The following NR5A2 variants were observed in gnomAD, a reference collection of about 807,000 sequenced individuals.
NR5A2 encodes CYP7A promoter-binding factor.
In NR5A2, 26 loss-of-function variants were observed where a neutral mutation model predicts 62.7. The observed-to-expected ratio is 0.41, with a 90% confidence interval of 0.30 to 0.58. The LOEUF (loss-of-function observed/expected upper bound fraction) is 0.58, where lower values mean the gene tolerates loss of function less well. Among genes scored for constraint, NR5A2 ranks in the 20% least tolerant of loss-of-function variants. The pLI is 0.22. For synonymous variants in NR5A2, 246 were observed against 241.7 expected (o/e 1.02, Z -0.16); for missense variants, 541 against 669.1 (o/e 0.81, Z 2.11).
intron 5 of NR5A2, chr1:200,057,564 C>T (rs1662973309): frequency 2.9e-6 from 1 of 346,698 alleles, no homozygotes; most frequent in South Asian, 2.2e-5. Context: ...TGGCAACCTC[C>T]ACCTCCTGCA....
chr1:200,149,945 G>A (rs1652982284), intron 7 of NR5A2, among the ~76,000 whole-genome samples: 1 of 152,178 alleles, frequency 6.6e-6, no homozygotes, highest in Non-Finnish European at 1.5e-5. Context: ...CCTCCATGCA[G>A]TAATGATAAT....
At chr1:200,130,837 C>G (rs1162558572) in intron 7 of NR5A2, among the ~76,000 whole-genome samples, 1 of 152,220 alleles carries the variant, frequency 6.6e-6, no homozygotes, top group East Asian at 1.9e-4. Context: ...GAACATTTAC[C>G]TCACATCTTT....
chr1:200,104,146 G>C (rs750104893), intron 5 of NR5A2, among the ~76,000 whole-genome samples: 1 of 152,176 alleles, frequency 6.6e-6, no homozygotes, highest in African/African-American at 2.4e-5. Flanking sequence ...TTATGGAACA[G>C]CAGCAGCACA....
At chr1:200,103,998 G>A (rs867550432) in intron 5 of NR5A2, among the ~76,000 whole-genome samples, 1 of 152,174 alleles carries the variant, frequency 6.6e-6, no homozygotes. Context: ...ACTGGGGTTT[G>A]GTGGGAATAG....
rs151039307 is a variant in NR5A2 at position 200,048,182 on chromosome 1, C to T, written c.474C>T (p.Ala158=). Residue 158 remains alanine (A), a synonymous_variant, in exon 5 of 8, where the codon GCC becomes GCT. Coordinates refer to ENST00000367362, the MANE Select transcript of NR5A2 (RefSeq NM_205860.3). This position sits in a 1 kb window ranked among gnomAD's most constrained non-coding sequence, Gnocchi z 4.8. Reference sequence around the variant, plus strand: ...CCCCACCCCCAACAGCTGTAAGGGCCGACCGAATGCGTGGAGGAAGGAATA... The same window carrying T: ...CCCCACCCCCAACAGCTGTAAGGGCTGACCGAATGCGTGGAGGAAGGAATA... ...SVGMKLEAVR[A]DRMRGGRNKF... 375 of 1,606,532 alleles carry T rather than the reference C, an allele frequency of 2.3e-4. 1 individual carries two copies. The highest frequency in any genetic ancestry group is 3.0e-4 in the Non-Finnish European group (355 of 1,175,110).
chr1:200,106,535 T>C (rs946643613), intron 5 of NR5A2, among the ~76,000 whole-genome samples: 4 of 152,218 alleles, frequency 2.6e-5, no homozygotes, highest in Admixed American at 2.0e-4. Context: ...TTCCTTTTAT[T>C]GTAGCTGATA....
At chr1:200,155,036 G>A (rs575276579) in intron 7 of NR5A2, among the ~76,000 whole-genome samples, 13 of 152,350 alleles carry the variant, frequency 8.5e-5, no homozygotes, top group Middle Eastern at 3.4e-3. Context: ...TAAAGCTTCA[G>A]GAGGGTGGAA....
Position 200,048,562 on chromosome 1 carries a change from T to A in NR5A2, c.854T>A (p.Met285Lys), listed in dbSNP as rs549704205. 3.1e-6 allele frequency: 5 copies of A among 1,614,138 alleles called. No homozygotes were observed. The African/African-American group carries it at 6.7e-5, about 22-fold the overall frequency. Residue 285 changes from methionine (M) to lysine (K), a missense_variant, in exon 5 of 8, where the codon ATG becomes AAG. Around this residue, in one of 3 missense-constraint regions of NR5A2, gnomAD observed 379 missense variants for 442.0 expected, o/e 0.86. Transcript: ENST00000367362. The surrounding 1 kb of genome is among the most constrained non-coding windows in gnomAD (Gnocchi z 4.8). ...DPYTSSPESI[M>K]GYSYMDSYQT... ...TATACCAGCTCACCCGAGTCCATAA[T>A]GGGCTATTCATATATGGATAGTTAC... is the stretch of plus-strand genomic sequence containing the variant.
intron 5 of NR5A2, among the ~76,000 whole-genome samples, chr1:200,083,431 C>T (rs1325522467): frequency 1.3e-5 from 2 of 152,120 alleles, no homozygotes; most frequent in African/African-American, 4.8e-5. Flanking sequence ...AATAAGTAAT[C>T]CATACATTAC....
chr1:200,069,508 C>G (rs147567897), intron 5 of NR5A2, among the ~76,000 whole-genome samples: 1 of 152,112 alleles, frequency 6.6e-6, no homozygotes, highest in African/African-American at 2.4e-5. Flanking sequence ...CCCACCTCAG[C>G]CTTCCAAAGT....
Position 200,156,905 on chromosome 1 carries a change from G to A in NR5A2, c.1379-17058G>A, listed in dbSNP as rs149721702. Among the ~76,000 whole-genome samples, 407 of 152,204 alleles carry A rather than the reference G, an allele frequency of 2.7e-3. 1 individual carries two copies. The highest frequency in any genetic ancestry group is 4.4e-3 in the Non-Finnish European group (296 of 68,008). On this transcript the variant is annotated intron_variant, in intron 7 of 7. Transcript: ENST00000367362. ...ATTTGTGATAATATTTTCAACTTAC[G>A]ATGGGCTTATTGAGACATAACCCCA... is the stretch of plus-strand genomic sequence containing the variant.
At chr1:200,162,418 G>T (rs1653683762) in intron 7 of NR5A2, among the ~76,000 whole-genome samples, 1 of 152,104 alleles carries the variant, frequency 6.6e-6, no homozygotes, top group Non-Finnish European at 1.5e-5. Context: ...GAAAGAAGTT[G>T]GTGGGTGGGG....
At chr1:200,097,624 C>T (rs2816999) in intron 5 of NR5A2, among the ~76,000 whole-genome samples, 79,402 of 151,954 alleles carry the variant, frequency 0.52, 21,581 homozygotes, top group African/African-American at 0.68. Context: ...GTAGAGATTA[C>T]TAACAGTGAG....
chr1:200,037,878 C>T (rs562495549), intron 1 of NR5A2, among the ~76,000 whole-genome samples: 2 of 152,304 alleles, frequency 1.3e-5, no homozygotes, highest in East Asian at 1.9e-4. Context: ...ATTTTATGTA[C>T]ATTATGCACT....
intron 5 of NR5A2, among the ~76,000 whole-genome samples, chr1:200,089,818 C>T (rs1664734507): frequency 6.6e-6 from 1 of 152,204 alleles, no homozygotes; most frequent in Non-Finnish European, 1.5e-5. Flanking sequence ...CAGTTATTAT[C>T]CTGGGTTGTC....
intron 7 of NR5A2, among the ~76,000 whole-genome samples, chr1:200,154,792 A>C (rs1653301280): frequency 6.6e-6 from 1 of 152,216 alleles, no homozygotes; most frequent in African/African-American, 2.4e-5. Flanking sequence ...ACAAGTCAGT[A>C]AGCTGCTTGT....
At chr1:200,126,655 G>A (rs1666716699) in intron 7 of NR5A2, among the ~76,000 whole-genome samples, 1 of 151,240 alleles carries the variant, frequency 6.6e-6, no homozygotes. Context: ...TAGAAAGTAG[G>A]GAGATAAGTC....
intron 5 of NR5A2, among the ~76,000 whole-genome samples, chr1:200,099,038 G>A (rs1295640404): frequency 2.0e-5 from 3 of 152,164 alleles, no homozygotes; most frequent in Admixed American, 1.3e-4. Flanking sequence ...ATCTCTGAAG[G>A]CATAGACTGA....
chr1:200,131,929 G>A (rs1261578756), intron 7 of NR5A2, among the ~76,000 whole-genome samples: 1 of 152,212 alleles, frequency 6.6e-6, no homozygotes, highest in Non-Finnish European at 1.5e-5. Flanking sequence ...CCTCTCATCA[G>A]TATTGAAACA....
Sources: gnomAD v4.1 joint callset for allele counts (sites outside exome capture counted in the v4.1 genomes callset) on GRCh38, gnomAD v4.1.1 for gene constraint, gnomAD v4.1.1 regional missense constraint, Gnocchi (gnomAD v3.1) non-coding constraint, MANE v1.5 for transcripts, NCBI Gene and HGNC (gene_info 2026-07-23, HGNC 2026-07-21) for gene names.